CSMD1: variants seen among roughly 807,000 people sequenced by gnomAD.
CSMD1 encodes CUB and Sushi multiple domains 1, also known as CUB and sushi domain-containing protein 1.
CSMD1 carries 213 observed loss-of-function variants against 417.5 expected under a neutral mutation model. The ratio of observed to expected loss-of-function variants is 0.51; its 90% confidence interval spans 0.46 to 0.57. CSMD1 has a LOEUF of 0.57. Ranked by LOEUF, CSMD1 falls within the 20% of genes least tolerant of loss-of-function variation. CSMD1 has a pLI of 0.00. For synonymous variants in CSMD1, 2,862 were observed against 1,736.8 expected, an observed-to-expected ratio of 1.65 and a Z score of -16.11; for missense variants, 6,923 against 4,529.7, an observed-to-expected ratio of 1.53 and a Z score of -15.17.
At chr8:3,371,283 A>C (rs1187194350) in intron 18 of CSMD1, among the ~76,000 whole-genome samples, 1 of 152,166 alleles carries the variant, frequency 6.6e-6, no homozygotes, top group African/African-American at 2.4e-5. Context: ...CTTACTAGTT[A>C]GTAACACGTG....
chr8:4,028,801 C>T (rs1797196318), intron 4 of CSMD1, among the ~76,000 whole-genome samples: 1 of 152,168 alleles, frequency 6.6e-6, no homozygotes, highest in Non-Finnish European at 1.5e-5. Context: ...AGCAAATTTT[C>T]TGGCATCTCA....
At chr8:4,261,616 C>T (rs578142538) in intron 3 of CSMD1, among the ~76,000 whole-genome samples, 3 of 151,946 alleles carry the variant, frequency 2.0e-5, no homozygotes, top group South Asian at 2.1e-4. Context: ...TGCTATGTTG[C>T]GCAGGCTAGT....
intron 55 of CSMD1, among the ~76,000 whole-genome samples, chr8:2,976,506 C>CCACT: frequency 6.6e-6 from 1 of 152,214 alleles, no homozygotes; most frequent in South Asian, 2.1e-4. Flanking sequence ...CCACCATGCC[C>CCACT]CACTAGTTTT....
At position 4,077,799 on chromosome 8, in the gene CSMD1, T is replaced by G. The variant is rs190952325; in HGVS notation, c.416-45700A>C. Among the ~76,000 whole-genome samples, 77 of 152,340 alleles carry G rather than the reference T, an allele frequency of 5.1e-4. 2 individuals carry two copies. The highest frequency in any genetic ancestry group is 3.0e-3 in the Admixed American group (46 of 15,306). On this transcript the variant is annotated intron_variant, in intron 3 of 69. Transcript: ENST00000635120. ...TTTCAGCTCATTCCAAAAGTTGTTCTCACTCTGTTCCATGGGAATTTTCAG... is the reference window on the plus strand; with the variant it reads ...TTTCAGCTCATTCCAAAAGTTGTTCGCACTCTGTTCCATGGGAATTTTCAG...
intron 12 of CSMD1, among the ~76,000 whole-genome samples, chr8:3,456,318 C>CTGCACCCACTTTCT: frequency 6.6e-6 from 1 of 151,644 alleles, no homozygotes; most frequent in African/African-American, 2.4e-5. Flanking sequence ...ACCCACTGTC[C>CTGCACCCACTTTCT]GACACTCCCC....
At chr8:4,055,507 G>C (rs1265207894) in intron 3 of CSMD1, among the ~76,000 whole-genome samples, 2 of 140,776 alleles carry the variant, frequency 1.4e-5, no homozygotes, top group Non-Finnish European at 2.9e-5. Context: ...ATAAATAAGA[G>C]TCAAAATCAG....
At chr8:3,059,590 G>A (rs1343160102) in intron 49 of CSMD1, among the ~76,000 whole-genome samples, 8 of 152,126 alleles carry the variant, frequency 5.3e-5, no homozygotes, top group Admixed American at 5.2e-4. Flanking sequence ...TTCAGAGTTT[G>A]AAGATGGGCA....
intron 5 of CSMD1, among the ~76,000 whole-genome samples, chr8:3,992,802 A>G (rs1814861455): frequency 6.6e-6 from 1 of 152,340 alleles, no homozygotes; most frequent in Middle Eastern, 3.4e-3. Flanking sequence ...ATTATAAAGG[A>G]AAGCACAAAA....
intron 2 of CSMD1, among the ~76,000 whole-genome samples, chr8:4,616,680 T>C (rs1309688203): frequency 6.6e-6 from 1 of 152,194 alleles, no homozygotes; most frequent in African/African-American, 2.4e-5. Context: ...GTAAACTGAC[T>C]TTAAAAGCAT....
intron 1 of CSMD1, among the ~76,000 whole-genome samples, chr8:4,763,252 G>A (rs951645498): frequency 1.3e-5 from 2 of 152,166 alleles, no homozygotes; most frequent in African/African-American, 4.8e-5. Context: ...TTTGGACAAA[G>A]GAAGAACAGT....
intron 2 of CSMD1, among the ~76,000 whole-genome samples, chr8:4,503,446 T>G (rs1275407534): frequency 2.0e-5 from 3 of 152,178 alleles, no homozygotes; most frequent in Admixed American, 6.6e-5. Flanking sequence ...GCAATATGTT[T>G]CCAAATAAAT....
chr8:4,135,778 A>G (rs1803392513), intron 3 of CSMD1, among the ~76,000 whole-genome samples: 1 of 152,190 alleles, frequency 6.6e-6, no homozygotes. Context: ...AAACTGATTA[A>G]TGATAGGAAT....
At chr8:4,877,033 G>C (rs532729080) in intron 1 of CSMD1, among the ~76,000 whole-genome samples, 5 of 151,774 alleles carry the variant, frequency 3.3e-5, no homozygotes, top group Admixed American at 2.6e-4. Flanking sequence ...AAAAATAAAA[G>C]GCATCCTCCT....
intron 1 of CSMD1, among the ~76,000 whole-genome samples, chr8:4,692,442 T>C (rs1475264719): frequency 6.6e-6 from 1 of 152,140 alleles, no homozygotes; most frequent in African/African-American, 2.4e-5. Context: ...GAGTAGACCG[T>C]CCTTGAAGCT....
chr8:4,709,046 T>C (rs62484588), intron 1 of CSMD1, among the ~76,000 whole-genome samples: 20 of 152,158 alleles, frequency 1.3e-4, no homozygotes, highest in Non-Finnish European at 2.8e-4. Flanking sequence ...TCCCAGTCTA[T>C]GGTACTTTGT....
At chr8:4,386,757 G>C (rs1263006243) in intron 3 of CSMD1, among the ~76,000 whole-genome samples, 1 of 152,122 alleles carries the variant, frequency 6.6e-6, no homozygotes, top group Non-Finnish European at 1.5e-5. Context: ...CTTTAATTAG[G>C]GGTAGAAACA....
At chr8:3,130,438 G>C (rs1331747588) in intron 41 of CSMD1, among the ~76,000 whole-genome samples, 1 of 151,122 alleles carries the variant, frequency 6.6e-6, no homozygotes, top group Admixed American at 6.6e-5. Flanking sequence ...CTCTTCCCTC[G>C]CTTCCCCCAA....
chr8:3,617,237 T>G (rs1042757583), intron 7 of CSMD1, among the ~76,000 whole-genome samples: 1 of 152,210 alleles, frequency 6.6e-6, no homozygotes, highest in Non-Finnish European at 1.5e-5. Context: ...TAAATAACAT[T>G]ATGTATATTT....
chr8:4,189,052 T>G (rs1455054036), intron 3 of CSMD1, among the ~76,000 whole-genome samples: 1 of 152,154 alleles, frequency 6.6e-6, no homozygotes, highest in Non-Finnish European at 1.5e-5. Context: ...GTTTTATTTG[T>G]TATAAGAGTG....
Sources: gnomAD v4.1 joint callset for allele counts (sites outside exome capture counted in the v4.1 genomes callset) on GRCh38, gnomAD v4.1.1 for gene constraint, MANE v1.5 for transcripts, NCBI Gene and HGNC (gene_info 2026-07-23, HGNC 2026-07-21) for gene names.